Variants in PIKFYVE observed in about 807,000 individuals in gnomAD.
The protein encoded by PIKFYVE is 1-phosphatidylinositol 3-phosphate 5-kinase.
A neutral mutation model predicts 257.9 loss-of-function variants in PIKFYVE; 122 were observed. The observed-to-expected ratio is 0.47, with a 90% CI of 0.41 to 0.55. The LOEUF (loss-of-function observed/expected upper bound fraction) is 0.55, where lower values mean the gene tolerates loss of function less well. Among genes scored for constraint, PIKFYVE ranks in the 20% least tolerant of loss-of-function variants. The pLI, the probability that PIKFYVE is intolerant of heterozygous loss-of-function variation, is 0.00. For missense variants in PIKFYVE, 2,160 were observed against 2,536.6 expected, an observed-to-expected ratio of 0.85 and a Z score of 3.19; for synonymous variants, 892 against 868.9, an observed-to-expected ratio of 1.03 and a Z score of -0.47.
At chr2:208,329,595 AT>A in intron 21 of PIKFYVE, among the ~76,000 whole-genome samples, 1 of 152,200 alleles carries the variant, frequency 6.6e-6, no homozygotes, top group Admixed American at 6.5e-5. Context: ...CTAAATTAAT[AT>A]TATAGTTTAT....
chr2:208,277,395 G>A, intron 4 of PIKFYVE, 142 bp from the exon 5 acceptor site: 1 of 826,736 alleles, frequency 1.2e-6, no homozygotes, highest in Non-Finnish European at 2.0e-6. Flanking sequence ...AGATTGTCTT[G>A]GTTATTTTGA....
intron 13 of PIKFYVE, among the ~76,000 whole-genome samples, chr2:208,313,528 T>C (rs1333158461): frequency 1.3e-5 from 2 of 152,104 alleles, no homozygotes; most frequent in African/African-American, 4.8e-5. Flanking sequence ...CTCGCTATCA[T>C]GTGTTCTTTT....
chr2:208,296,360 C>A (rs1455753672), intron 7 of PIKFYVE, among the ~76,000 whole-genome samples: 1 of 152,134 alleles, frequency 6.6e-6, no homozygotes, highest in African/African-American at 2.4e-5. Flanking sequence ...ATTTGCTAAT[C>A]AACTGGATGT....
chr2:208,275,051 T>C (rs1238314823), intron 3 of PIKFYVE, among the ~76,000 whole-genome samples: 2 of 152,260 alleles, frequency 1.3e-5, no homozygotes, highest in Admixed American at 6.5e-5. Context: ...TGCTTGATTA[T>C]TTGATTCTAT....
chr2:208,337,526 T>A (rs1325753566), intron 28 of PIKFYVE, among the ~76,000 whole-genome samples: 1 of 152,000 alleles, frequency 6.6e-6, no homozygotes, highest in African/African-American at 2.4e-5. Flanking sequence ...TAGATCTATA[T>A]CTATCTATAG....
Position 208,355,370 on chromosome 2 carries a change from A to G in PIKFYVE, c.*65A>G, listed in dbSNP as rs1700104457. On this transcript the variant is annotated 3_prime_UTR_variant, in exon 42 of 42. Coordinates refer to ENST00000264380, the MANE Select transcript of PIKFYVE (RefSeq NM_015040.4). ...GGGACAGGAACAAAGGACCAAAAATAAGCTACATGTTTTATTTCTTCATCG... is the reference window on the plus strand; with the variant it reads ...GGGACAGGAACAAAGGACCAAAAATGAGCTACATGTTTTATTTCTTCATCG... 1 of 1,273,738 alleles carries G rather than the reference A, an allele frequency of 7.9e-7. No individual in the cohort carries two copies. Among genetic ancestry groups the G allele is most frequent in the African/African-American group, 1.5e-5 (1 of 68,188 alleles). 78.9% of individuals were successfully genotyped at this position (1,273,738 alleles called of 1,614,324 possible). A position where few individuals can be genotyped will look rare whatever the true frequency, so the allele number is the denominator to read the frequency against.
chr2:208,351,123 T>C (rs1476268264), intron 37 of PIKFYVE, among the ~76,000 whole-genome samples, 176 bp downstream of exon 37: 1 of 152,246 alleles, frequency 6.6e-6, no homozygotes, highest in Non-Finnish European at 1.5e-5. Context: ...CTTCTAGAAC[T>C]GAACTTAGAT....
At chr2:208,338,860 G>A (rs1698427761) in intron 29 of PIKFYVE, among the ~76,000 whole-genome samples, 1 of 152,174 alleles carries the variant, frequency 6.6e-6, no homozygotes, top group South Asian at 2.1e-4. Flanking sequence ...TCAATCCCCA[G>A]GTTTCATTGC....
rs374981165 is a variant in PIKFYVE, at chr2:208,277,621, C to T, written c.526C>T (p.Arg176Cys). 9.3e-6 allele frequency: 15 copies of T among 1,613,868 alleles called. No individual in the cohort carries two copies. Among genetic ancestry groups the T allele is most frequent in the South Asian group, 2.2e-5 (2 of 91,080 alleles). The change falls in exon 5 of 42, where the codon CGC becomes TGC. Residue 176 changes from arginine (R) to cysteine (C), a missense_variant. By Grantham distance (180) the Arg-to-Cys change is radical. This residue lies in a region of PIKFYVE where 28 missense variants were observed against 68.2 expected (regional missense o/e 0.41). Transcript: ENST00000264380. ...DCSEKFTTFR[R>C]RHHCRLCGQI... Reference sequence around the variant, plus strand: ...TAGTGAGAAATTTACAACCTTTAGGCGCAGACACCATTGCCGACTATGTGG... The same window carrying T: ...TAGTGAGAAATTTACAACCTTTAGGTGCAGACACCATTGCCGACTATGTGG...
At chr2:208,315,121 T>C (rs1265927634) in intron 14 of PIKFYVE, 72 bp from the exon 15 acceptor site, 16 of 1,349,888 alleles carry the variant, frequency 1.2e-5, no homozygotes, top group East Asian at 4.8e-5. Context: ...GTAGGCTGTT[T>C]GTTTTATCAT....
chr2:208,317,748 T>A, intron 15 of PIKFYVE, 119 bp from the exon 16 acceptor site: 1 of 915,232 alleles, frequency 1.1e-6, no homozygotes, highest in East Asian at 2.6e-5. Flanking sequence ...CTGAAATTTT[T>A]TGTTCTTATT....
At chr2:208,354,728 T>A in intron 41 of PIKFYVE, 83 bp downstream of exon 41, 1 of 1,102,180 alleles carries the variant, frequency 9.1e-7, no homozygotes, top group Non-Finnish European at 1.4e-6. Context: ...ATTCTTTTTT[T>A]TAGTTGTAAA....
chr2:208,339,193 A>G (rs550707230), intron 29 of PIKFYVE, among the ~76,000 whole-genome samples: 4 of 152,326 alleles, frequency 2.6e-5, no homozygotes, highest in South Asian at 2.1e-4. Context: ...CTTGGTTGAC[A>G]GTTGCGGTAC....
chr2:208,301,573 C>A (rs372337753), intron 9 of PIKFYVE, among the ~76,000 whole-genome samples: 3 of 152,170 alleles, frequency 2.0e-5, no homozygotes, highest in African/African-American at 7.2e-5. Context: ...ATTAGCTACT[C>A]CTCCTCTCAT....
intron 7 of PIKFYVE, 75 bp downstream of exon 7, chr2:208,288,893 A>G (rs1189851901): frequency 6.4e-6 from 10 of 1,558,182 alleles, no homozygotes; most frequent in East Asian, 2.2e-5. Context: ...ACAAACGGAT[A>G]AAAAGGGTGG....
At chr2:208,280,431 A>C (rs1033759224) in intron 5 of PIKFYVE, among the ~76,000 whole-genome samples, 2 of 152,160 alleles carry the variant, frequency 1.3e-5, no homozygotes, top group African/African-American at 4.8e-5. Flanking sequence ...GTAAGTCCCT[A>C]CTCTGACAGG....
chr2:208,318,950 C>CAA (rs57665157), intron 16 of PIKFYVE, among the ~76,000 whole-genome samples: 17,007 of 107,862 alleles, frequency 0.16, 1,779 homozygotes, highest in South Asian at 0.24. Context: ...GACTCCGTCT[C>CAA]AAAAAAAAAA....
chr2:208,330,666 C>A lies in PIKFYVE; in HGVS notation c.3935C>A (p.Thr1312Lys), dbSNP rs182404155. The change falls in exon 23 of 42, where the codon ACA (threonine) becomes AAA (lysine). Residue 1312 changes from threonine (T) to lysine (K), a missense_variant. Physicochemically the swap from Thr to Lys is moderately conservative, Grantham distance 78. Coordinates refer to ENST00000264380, the MANE Select transcript of PIKFYVE (RefSeq NM_015040.4). ...PVPGYQHTIL[T>K]YSWCRICKQV... ...CCTGGATATCAGCATACAATTCTTA[C>A]ATATTCCTGGTGTAGAATCTGCAAA... 4 of 1,613,794 alleles carry A rather than the reference C, an allele frequency of 2.5e-6. No homozygotes were observed. The highest frequency in any genetic ancestry group is 3.4e-6 in the Non-Finnish European group (4 of 1,179,870).
rs769336050 is a variant in PIKFYVE, at chr2:208,350,747, TA to T, written c.5435-17del. On this transcript the variant is annotated intron_variant, in intron 36 of 41. Transcript: ENST00000264380. The stretch of plus-strand genomic sequence containing the variant: ...ATATTTTCTGAGTCATAAAGCTTTT[TA>T]AAAAAACTTCTGTTGTTTATAGAAT... 3.1e-6 allele frequency: 5 copies of T among 1,612,922 alleles called. No individual in the cohort carries two copies. The African/African-American group carries it at 4.0e-5, about 13-fold the overall frequency.
Sources: gnomAD v4.1 joint callset for allele counts (sites outside exome capture counted in the v4.1 genomes callset) on GRCh38, gnomAD v4.1.1 for gene constraint, gnomAD v4.1.1 regional missense constraint, MANE v1.5 for transcripts, NCBI Gene and HGNC (gene_info 2026-07-23, HGNC 2026-07-21) for gene names.